RASGRF2: variants seen among roughly 807,000 people sequenced by gnomAD.
RASGRF2 encodes the protein ras-specific guanine nucleotide-releasing factor 2.
A neutral mutation model predicts 151.0 loss-of-function variants in RASGRF2; 76 were observed. That is an observed-to-expected ratio of 0.50 (90% confidence interval 0.42 to 0.61). RASGRF2 has a LOEUF of 0.61. RASGRF2 is among the 20% of genes least tolerant of loss of function. The pLI is 0.00. For synonymous variants in RASGRF2, 504 were observed against 566.5 expected, an observed-to-expected ratio of 0.89 and a Z score of 1.57; for missense variants, 1,148 against 1,564.6, an observed-to-expected ratio of 0.73 and a Z score of 4.49.
intron 22 of RASGRF2, among the ~76,000 whole-genome samples, 195 bp downstream of exon 22, chr5:81,208,633 C>G (rs1755566060): frequency 1.4e-5 from 2 of 141,986 alleles, no homozygotes; most frequent in Non-Finnish European, 3.0e-5. Context: ...CTCACTGCAA[C>G]CTCCACCTCC....
At chr5:81,172,017 G>A (rs1421076547) in intron 17 of RASGRF2, among the ~76,000 whole-genome samples, 3 of 152,150 alleles carry the variant, frequency 2.0e-5, no homozygotes, top group Non-Finnish European at 4.4e-5. Context: ...GAGTTGGCAC[G>A]CAGGTGGTAT....
chr5:81,219,803 A>G, intron 26 of RASGRF2, 25 bp downstream of exon 26: 1 of 1,542,996 alleles, frequency 6.5e-7, no homozygotes, highest in Admixed American at 1.8e-5. Context: ...CTGTGAAGAA[A>G]TTAATAAAGA....
At chr5:81,000,872 C>T (rs1367658280) in intron 1 of RASGRF2, among the ~76,000 whole-genome samples, 1 of 152,240 alleles carries the variant, frequency 6.6e-6, no homozygotes, top group African/African-American at 2.4e-5. Flanking sequence ...CTGGACATAG[C>T]AGCTAGCTGC....
chr5:81,074,997 A>G (rs1241156654), intron 5 of RASGRF2, among the ~76,000 whole-genome samples: 3 of 152,150 alleles, frequency 2.0e-5, no homozygotes, highest in African/African-American at 7.2e-5. Flanking sequence ...TCAGGTTTTG[A>G]GCAGAGAAGG....
intron 17 of RASGRF2, among the ~76,000 whole-genome samples, chr5:81,136,315 GC>G (rs1753752970): frequency 6.6e-6 from 1 of 151,830 alleles, no homozygotes; most frequent in African/African-American, 2.4e-5. Context: ...AACATTTCTG[GC>G]AGGGCAGGTC....
intron 1 of RASGRF2, among the ~76,000 whole-genome samples, chr5:80,980,777 A>G (rs79602492): frequency 0.013 from 2,048 of 152,296 alleles, 59 homozygotes; most frequent in African/African-American, 0.047. Context: ...TAGATGAAAC[A>G]TTTTATTTGA....
At chr5:81,114,004 C>T (rs528077920) in intron 15 of RASGRF2, 84 bp downstream of exon 15, 165 of 1,455,604 alleles carry the variant, frequency 1.1e-4, no homozygotes, top group Admixed American at 1.0e-3. Flanking sequence ...ACACTGGTTC[C>T]CTTTCTTTAC....
At chr5:81,147,849 C>A (rs1310559726) in intron 17 of RASGRF2, among the ~76,000 whole-genome samples, 3 of 152,210 alleles carry the variant, frequency 2.0e-5, no homozygotes, top group Admixed American at 6.5e-5. Flanking sequence ...TCTGGATAAG[C>A]CTTCATCTGG....
At chr5:81,210,257 C>T (rs1266909870) in intron 22 of RASGRF2, 1 of 152,274 alleles carries the variant, frequency 6.6e-6, no homozygotes, top group Non-Finnish European at 1.5e-5. Context: ...GCAGCTGTCT[C>T]ATTAGCAGCT....
At chr5:81,088,366 C>T (rs901884157) in intron 9 of RASGRF2, 5 of 152,360 alleles carry the variant, frequency 3.3e-5, no homozygotes, top group African/African-American at 1.2e-4. Flanking sequence ...AATGGATTTA[C>T]CTTCCACTTG....
intron 9 of RASGRF2, 69 bp downstream of exon 9, chr5:81,087,022 C>T (rs1383407421): frequency 1.5e-5 from 21 of 1,400,338 alleles, no homozygotes; most frequent in Non-Finnish European, 2.0e-5. Flanking sequence ...CGGCACACCC[C>T]GGAAGGCGTT....
intron 1 of RASGRF2, among the ~76,000 whole-genome samples, chr5:81,015,119 A>G (rs539018329): frequency 1.5e-4 from 23 of 152,244 alleles, no homozygotes; most frequent in Admixed American, 6.5e-4. Context: ...CAGATTGCCA[A>G]CCATCTTCAC....
At chr5:81,117,488 A>C (rs1442817256) in intron 15 of RASGRF2, among the ~76,000 whole-genome samples, 1 of 151,916 alleles carries the variant, frequency 6.6e-6, no homozygotes, top group East Asian at 2.0e-4. Context: ...TAGAGGCCTC[A>C]TGATATAATC....
rs1333460723 is a variant in RASGRF2 at position 81,109,011 on chromosome 5, C to T, written c.1771C>T (p.Arg591Ter). Reference protein sequence around the residue: ...SDISQCVDNIRCNGLMTIVFE... With the variant: ...SDISQCVDNI ...TATTTCACAGTGTGTGGACAATATACGATGTAATGGTTTAATGACTATAGT... is the reference window on the plus strand; with the variant it reads ...TATTTCACAGTGTGTGGACAATATATGATGTAATGGTTTAATGACTATAGT... The change falls in exon 13 of 27, where the codon CGA (arginine) becomes TGA (stop). Residue 591 changes from arginine to a stop codon, truncating the protein, a stop_gained. Transcript: ENST00000265080. LOFTEE classifies it high-confidence loss of function. The T allele has an allele frequency of 2.5e-6, 4 of 1,609,364 alleles. No homozygotes were observed. The highest frequency in any genetic ancestry group is 1.3e-5 in the African/African-American group (1 of 74,842).
intron 2 of RASGRF2, among the ~76,000 whole-genome samples, chr5:81,062,024 A>T: frequency 6.7e-6 from 1 of 148,504 alleles, no homozygotes; most frequent in Non-Finnish European, 1.5e-5. Context: ...AAAAAAAAAA[A>T]CTGTAGAGAT....
In RASGRF2 at chr5:81,112,739, T is replaced by C. The variant is rs1246882193; in HGVS notation, c.1968T>C (p.Phe656=). Residue 656 remains phenylalanine (F), a synonymous_variant, in exon 14 of 27, where the codon TTT becomes TTC. Coordinates refer to ENST00000265080, the MANE Select transcript of RASGRF2 (RefSeq NM_006909.3). ...TGGAACGACTGACAGACTTGCGGTTTCTTAGTATTGATTTCCTCAACACCT... is the reference window on the plus strand; with the variant it reads ...TGGAACGACTGACAGACTTGCGGTTCCTTAGTATTGATTTCCTCAACACCT... ...RLLERLTDLR[F]LSIDFLNTFL... is the part of the protein sequence containing the mutation. The C allele has an allele frequency of 6.2e-7, 1 of 1,614,216 alleles. No homozygotes were observed. Among genetic ancestry groups the C allele is most frequent in the Non-Finnish European group, 8.5e-7 (1 of 1,180,040 alleles).
chr5:81,114,346 C>T (rs1400803064), intron 15 of RASGRF2, among the ~76,000 whole-genome samples: 2 of 152,192 alleles, frequency 1.3e-5, no homozygotes, highest in African/African-American at 4.8e-5. Context: ...TACCTGTGTA[C>T]CTCCAGCCTT....
At chr5:81,004,356 AT>A (rs1749194878) in intron 1 of RASGRF2, among the ~76,000 whole-genome samples, 2 of 152,158 alleles carry the variant, frequency 1.3e-5, no homozygotes, top group South Asian at 4.1e-4. Context: ...GTGGCACGTT[AT>A]TTGTTGCAGC....
rs1465677047 is a variant in RASGRF2, at chr5:80,969,518, G to A, written c.288+8492G>A. On this transcript the variant is annotated intron_variant, in intron 1 of 26. Transcript: ENST00000265080. ...CGCTGGAGTGCAGTGGCGCGATCTT[G>A]GCTCACTGCAAGCTCCGCCTCCAGG... Among the ~76,000 whole-genome samples, 11 of 149,616 alleles carry A rather than the reference G, an allele frequency of 7.4e-5. No homozygotes were observed. The East Asian group carries it at 2.0e-3, about 27-fold the overall frequency.
Sources: gnomAD v4.1 joint callset for allele counts (sites outside exome capture counted in the v4.1 genomes callset) on GRCh38, gnomAD v4.1.1 for gene constraint, MANE v1.5 for transcripts, NCBI Gene and HGNC (gene_info 2026-07-23, HGNC 2026-07-21) for gene names.